TENM1: variants seen among roughly 807,000 people sequenced by gnomAD.
The protein encoded by TENM1 is teneurin-1.
In TENM1, 35 loss-of-function variants were observed where a neutral mutation model predicts 174.8. That is an observed-to-expected ratio of 0.20 (90% CI 0.15 to 0.27). The LOEUF (loss-of-function observed/expected upper bound fraction) is 0.27, where lower values mean the gene tolerates loss of function less well. TENM1 is among the 10% of genes least tolerant of loss of function. The pLI, the probability that TENM1 is intolerant of heterozygous loss-of-function variation, is 1.00. For missense variants in TENM1, 1,633 were observed against 2,130.1 expected, an observed-to-expected ratio of 0.77 and a Z score of 4.59; for synonymous variants, 781 against 798.7, an observed-to-expected ratio of 0.98 and a Z score of 0.37.
the TENM1 span, among the ~76,000 whole-genome samples, chrX:124,971,648 A>G: frequency 1.8e-5 from 2 of 111,910 alleles, no homozygotes; most frequent in Non-Finnish European, 3.8e-5. Flanking sequence ...AAGTTGAATT[A>G]ATGAGCCAAA....
At chrX:124,714,564 A>T (rs1280817528) in intron 4 of TENM1, among the ~76,000 whole-genome samples, 1 of 111,867 alleles carries the variant, frequency 8.9e-6, no homozygotes, top group African/African-American at 3.2e-5. Flanking sequence ...TATCAGGAGG[A>T]TACTTATCAT....
intron 11 of TENM1, among the ~76,000 whole-genome samples, chrX:124,619,292 T>C (rs1017720688): frequency 4.5e-5 from 5 of 111,900 alleles, no homozygotes; most frequent in Non-Finnish European, 9.4e-5. Context: ...CATTAATAAA[T>C]GCATGTAGAT....
intron 3 of TENM1, among the ~76,000 whole-genome samples, chrX:124,758,479 G>C (rs933158920): frequency 9.0e-6 from 1 of 110,873 alleles, no homozygotes; most frequent in Non-Finnish European, 1.9e-5. Flanking sequence ...AAAGTATGAA[G>C]GTTTTTGAAA....
At chrX:124,760,586 A>T (rs1189669503) in intron 3 of TENM1, among the ~76,000 whole-genome samples, 1 of 112,009 alleles carries the variant, frequency 8.9e-6, no homozygotes, top group African/African-American at 3.2e-5. Flanking sequence ...AAAACCAAAG[A>T]AAACCCTAGA....
chrX:125,062,393 C>A, the TENM1 span, among the ~76,000 whole-genome samples: 3 of 111,405 alleles, frequency 2.7e-5, no homozygotes, highest in Non-Finnish European at 5.7e-5. Context: ...AGATAAAAAT[C>A]AGTGCATATA....
intron 3 of TENM1, among the ~76,000 whole-genome samples, chrX:124,750,838 C>A (rs765852433): frequency 1.3e-4 from 15 of 112,110 alleles, no homozygotes; most frequent in East Asian, 5.6e-4. Context: ...CCAATCTTGT[C>A]ATTCCTCTTT....
intron 3 of TENM1, among the ~76,000 whole-genome samples, chrX:124,881,408 T>C (rs2147516303): frequency 9.0e-6 from 1 of 111,453 alleles, no homozygotes; most frequent in Non-Finnish European, 1.9e-5. Context: ...TTTATTTACT[T>C]GGGTCTACTC....
In TENM1 at chrX:124,471,297, A is replaced by AG. The variant is rs2061311623; in HGVS notation, c.3949+10434_3949+10435insC. Among the ~76,000 whole-genome samples, 2 of 21,647 alleles carry AG rather than the reference A, an allele frequency of 9.2e-5. 1 individual carries two copies. Among genetic ancestry groups the AG allele is most frequent in the African/African-American group, 4.1e-4 (2 of 4,926 alleles). The allele number at this position is 21,647 out of a possible 115,157, so 18.8% of individuals were successfully genotyped here. A position where few individuals can be genotyped will look rare whatever the true frequency, so the allele number is the denominator to read the frequency against. On this transcript the variant is annotated intron_variant, in intron 22 of 31. Transcript: ENST00000422452. ...CTATATATAATATATAGTACTATAT[A>AG]TTATAATATATAGTACTATATATTA...
At chrX:124,807,879 AC>A (rs1409406846) in intron 3 of TENM1, among the ~76,000 whole-genome samples, 8 of 8,439 alleles carry the variant, frequency 9.5e-4, no homozygotes, top group African/African-American at 3.1e-3. Context: ...AAAATCACTT[AC>A]ACACACACAC....
At chrX:124,624,369 G>T (rs2050588537) in intron 11 of TENM1, among the ~76,000 whole-genome samples, 1 of 111,638 alleles carries the variant, frequency 9.0e-6, no homozygotes, top group Admixed American at 9.6e-5. Context: ...TTGATGTCAA[G>T]TTCAAATCTA....
the TENM1 span, among the ~76,000 whole-genome samples, chrX:124,997,694 C>T: frequency 0.016 from 1,809 of 110,907 alleles, 18 homozygotes; most frequent in Non-Finnish European, 0.028. Context: ...CTCTCAAATG[C>T]CAAAGTCTCT....
Position 124,419,531 on chromosome X carries a change from T to C in TENM1, c.4982+780A>G, listed in dbSNP as rs192337771. ...GCTTACTTGCAAACAAGGTCATCCATGCCTTAAAAGGCAAGGACAATGGTC... is the reference window on the plus strand; with the variant it reads ...GCTTACTTGCAAACAAGGTCATCCACGCCTTAAAAGGCAAGGACAATGGTC... On this transcript the variant is annotated intron_variant, in intron 25 of 31. Transcript: ENST00000422452. Among the ~76,000 whole-genome samples, 3 of 112,369 alleles carry C rather than the reference T, an allele frequency of 2.7e-5. No homozygotes were observed. The Admixed American group carries it at 2.8e-4, about 11-fold the overall frequency.
chrX:124,674,757 C>T (rs1776662511), intron 5 of TENM1, among the ~76,000 whole-genome samples: 1 of 111,055 alleles, frequency 9.0e-6, no homozygotes, highest in Non-Finnish European at 1.9e-5. Context: ...AGGTATTTTT[C>T]CGTTTTACAG....
chrX:124,483,193 A>G (rs1002597568), intron 21 of TENM1, among the ~76,000 whole-genome samples: 1 of 110,993 alleles, frequency 9.0e-6, no homozygotes, highest in Non-Finnish European at 1.9e-5. Flanking sequence ...TCATTCTTAC[A>G]TGTCTTTTGA....
chrX:124,395,454 C>T (rs1310580678), intron 27 of TENM1, among the ~76,000 whole-genome samples: 2 of 110,383 alleles, frequency 1.8e-5, no homozygotes, highest in African/African-American at 6.6e-5. Context: ...CCAAATGTTC[C>T]ATGCCATGAA....
At chrX:124,797,678 GTTT>G (rs200300530) in intron 3 of TENM1, among the ~76,000 whole-genome samples, 1 of 101,269 alleles carries the variant, frequency 9.9e-6, no homozygotes, top group Admixed American at 1.1e-4. Flanking sequence ...AGCCGTAAAG[GTTT>G]TTTTTTTTTT....
intron 3 of TENM1, among the ~76,000 whole-genome samples, chrX:124,788,117 A>G (rs758646505): frequency 3.6e-5 from 4 of 111,440 alleles, no homozygotes; most frequent in Non-Finnish European, 5.7e-5. Flanking sequence ...CTATAATTCA[A>G]TAATCTCCCC....
intron 3 of TENM1, among the ~76,000 whole-genome samples, chrX:124,805,800 C>G (rs1048104133): frequency 8.9e-6 from 1 of 112,916 alleles, no homozygotes; most frequent in African/African-American, 3.2e-5. Flanking sequence ...CTGCTGGAGT[C>G]TCCGGAAGGG....
the TENM1 span, among the ~76,000 whole-genome samples, chrX:125,169,621 C>T: frequency 1.4e-3 from 158 of 111,429 alleles, no homozygotes; most frequent in African/African-American, 4.9e-3. Context: ...ATCTAAGATA[C>T]AATTCTTTCA....
Sources: allele counts gnomAD v4.1 joint callset (sites outside exome capture counted in the v4.1 genomes callset), GRCh38; gene constraint gnomAD v4.1.1; transcripts MANE v1.5; gene names NCBI Gene and HGNC (gene_info 2026-07-23, HGNC 2026-07-21).